Variants in PRKG1 observed in about 807,000 individuals in gnomAD.
PRKG1 encodes protein kinase cGMP-dependent 1.
A neutral mutation model predicts 88.1 loss-of-function variants in PRKG1; 35 were observed. The ratio of observed to expected loss-of-function variants is 0.40; its 90% CI spans 0.30 to 0.53. The LOEUF (loss-of-function observed/expected upper bound fraction) is 0.53, where lower values mean the gene tolerates loss of function less well. Ranked by LOEUF, PRKG1 falls within the 20% of genes least tolerant of loss-of-function variation. PRKG1 has a pLI of 0.59. For missense variants in PRKG1, 540 were observed against 839.8 expected, an observed-to-expected ratio of 0.64 and a Z score of 4.41; for synonymous variants, 303 against 292.5, an observed-to-expected ratio of 1.04 and a Z score of -0.37.
At chr10:51,337,127 C>T (rs965008342) in intron 2 of PRKG1, among the ~76,000 whole-genome samples, 1 of 152,180 alleles carries the variant, frequency 6.6e-6, no homozygotes, top group African/African-American at 2.4e-5. Context: ...ACCATCCAAT[C>T]TTTGACAAAC....
intron 4 of PRKG1, among the ~76,000 whole-genome samples, chr10:51,877,293 T>C (rs913715111): frequency 1.3e-5 from 2 of 152,152 alleles, no homozygotes; most frequent in Admixed American, 6.5e-5. Flanking sequence ...TCTGATTAAC[T>C]GTTTTATGAT....
chr10:51,839,879 C>T (rs2132772884), intron 4 of PRKG1, among the ~76,000 whole-genome samples: 1 of 152,334 alleles, frequency 6.6e-6, no homozygotes, highest in Middle Eastern at 3.4e-3. Flanking sequence ...TTTCTACCAA[C>T]AGCAGTTTTC....
intron 8 of PRKG1, among the ~76,000 whole-genome samples, chr10:52,150,203 C>A (rs922830693): frequency 8.7e-6 from 1 of 115,414 alleles, no homozygotes; most frequent in Non-Finnish European, 1.8e-5. Context: ...GCCATAAGGG[C>A]AGGATTTGAG....
chr10:51,525,928 C>T (rs1382843566), intron 3 of PRKG1, among the ~76,000 whole-genome samples: 2 of 151,816 alleles, frequency 1.3e-5, no homozygotes, highest in East Asian at 1.9e-4. Flanking sequence ...CAAGTTCAAG[C>T]GATTCTACTG....
Position 51,181,209 on chromosome 10 carries a change from A to C in PRKG1, c.478+27879A>C, listed in dbSNP as rs1333900209. Among the ~76,000 whole-genome samples, 4 of 148,144 alleles carry C rather than the reference A, an allele frequency of 2.7e-5. No individual in the cohort carries two copies. In the East Asian group the frequency reaches 5.9e-4, roughly 22 times the overall value. ...AGCACTTTGCAAATAAAGCTGACCA[A>C]GATTATTATATAGAATTTTTTTTTT... On this transcript the variant is annotated intron_variant, in intron 2 of 17. Transcript: ENST00000373980.
At chr10:51,945,937 G>T (rs1406414473) in intron 5 of PRKG1, among the ~76,000 whole-genome samples, 1 of 149,696 alleles carries the variant, frequency 6.7e-6, no homozygotes. Context: ...ATGTGTCTTG[G>T]AGTTGCTCTT....
At chr10:52,206,462 T>C (rs911479073) in intron 9 of PRKG1, among the ~76,000 whole-genome samples, 5 of 152,226 alleles carry the variant, frequency 3.3e-5, no homozygotes, top group Non-Finnish European at 5.9e-5. Flanking sequence ...CTAGTGCAGT[T>C]GTTTGGAGGT....
intron 3 of PRKG1, among the ~76,000 whole-genome samples, chr10:51,608,834 C>T (rs934606696): frequency 1.3e-5 from 2 of 152,034 alleles, no homozygotes; most frequent in Non-Finnish European, 2.9e-5. Flanking sequence ...GACCCTGACA[C>T]TATGTAGGTC....
At chr10:52,018,859 G>T (rs116732507) in intron 5 of PRKG1, among the ~76,000 whole-genome samples, 318 of 152,248 alleles carry the variant, frequency 2.1e-3, no homozygotes, top group African/African-American at 7.4e-3. Flanking sequence ...GGGGAATTTG[G>T]TCAATGTGAT....
intron 3 of PRKG1, among the ~76,000 whole-genome samples, chr10:51,668,415 T>C (rs923930298): frequency 4.6e-5 from 7 of 152,220 alleles, no homozygotes; most frequent in Non-Finnish European, 5.9e-5. Context: ...CAATTTGTTT[T>C]GTTTTGTTTT....
At chr10:51,764,878 A>T (rs1302962810) in intron 3 of PRKG1, among the ~76,000 whole-genome samples, 1 of 152,134 alleles carries the variant, frequency 6.6e-6, no homozygotes, top group Non-Finnish European at 1.5e-5. Context: ...ATAGGCAGAG[A>T]GCTTATTAGA....
At chr10:51,908,391 A>G (rs1842131797) in intron 5 of PRKG1, 1 of 152,232 alleles carries the variant, frequency 6.6e-6, no homozygotes, top group Non-Finnish European at 1.5e-5. Flanking sequence ...GGGGGAGGTC[A>G]TGGTGACAGA....
intron 9 of PRKG1, among the ~76,000 whole-genome samples, chr10:52,192,891 T>A (rs991960259): frequency 1.3e-5 from 2 of 152,264 alleles, no homozygotes; most frequent in Non-Finnish European, 2.9e-5. Flanking sequence ...CCAAGCAATT[T>A]CCATGTAAGA....
intron 2 of PRKG1, among the ~76,000 whole-genome samples, chr10:51,325,691 G>A (rs1314064035): frequency 6.6e-6 from 1 of 152,078 alleles, no homozygotes; most frequent in African/African-American, 2.4e-5. Context: ...CTTGACCCAG[G>A]CCAATGTCCT....
At chr10:51,036,769 T>A (rs73322644) in intron 1 of PRKG1, among the ~76,000 whole-genome samples, 4,483 of 152,262 alleles carry the variant, frequency 0.029, 101 homozygotes, top group African/African-American at 0.052. Flanking sequence ...TGTTTAAAAA[T>A]ATTCCAGCTG....
chr10:51,290,440 T>C (rs1330342440), intron 2 of PRKG1, among the ~76,000 whole-genome samples: 1 of 152,136 alleles, frequency 6.6e-6, no homozygotes, highest in African/African-American at 2.4e-5. Flanking sequence ...TATATCACTA[T>C]GATATATCAA....
chr10:51,554,653 C>T (rs979502341), intron 3 of PRKG1, among the ~76,000 whole-genome samples: 1 of 150,034 alleles, frequency 6.7e-6, no homozygotes, highest in Non-Finnish European at 1.5e-5. Flanking sequence ...TCACTGGTTT[C>T]CTTGTGTTTC....
intron 5 of PRKG1, among the ~76,000 whole-genome samples, chr10:51,933,150 A>G (rs7904729): frequency 0.46 from 70,549 of 151,840 alleles, 17,279 homozygotes; most frequent in African/African-American, 0.62. Flanking sequence ...TTACAATCCT[A>G]TCTTACATTG....
At chr10:51,662,631 A>G (rs1177934774) in intron 3 of PRKG1, among the ~76,000 whole-genome samples, 2 of 152,186 alleles carry the variant, frequency 1.3e-5, no homozygotes, top group South Asian at 2.1e-4. Flanking sequence ...GAAAGTTTGT[A>G]TACATAAAAC....
Sources: allele counts gnomAD v4.1 joint callset (sites outside exome capture counted in the v4.1 genomes callset), GRCh38; gene constraint gnomAD v4.1.1; transcripts MANE v1.5; gene names NCBI Gene and HGNC (gene_info 2026-07-23, HGNC 2026-07-21).